The following UPP2 variants were observed in gnomAD, a reference collection of about 807,000 sequenced individuals.
UPP2 encodes UPase 2.
In UPP2, 23 loss-of-function variants were observed where a neutral mutation model predicts 26.7. That is an observed-to-expected ratio of 0.86 (90% CI 0.62 to 1.22). The LOEUF (loss-of-function observed/expected upper bound fraction) is 1.22, where lower values mean the gene tolerates loss of function less well. Among genes scored for constraint, UPP2 ranks in the 50% most tolerant of loss-of-function variants. UPP2 has a pLI of 0.00. For synonymous variants in UPP2, 127 were observed against 141.3 expected (o/e 0.90, Z 0.72); for missense variants, 387 against 396.7 (o/e 0.98, Z 0.21).
chr2:158,101,399 A>C (rs1292183394), upstream of UPP2, among the ~76,000 whole-genome samples: 1 of 152,218 alleles, frequency 6.6e-6, no homozygotes, highest in Non-Finnish European at 1.5e-5. Context: ...CTGGGAAATA[A>C]GTTTTGTTTA....
intron 3 of UPP2, among the ~76,000 whole-genome samples, chr2:158,066,825 C>A (rs75022377): frequency 6.6e-6 from 1 of 152,004 alleles, no homozygotes; most frequent in South Asian, 2.1e-4. Flanking sequence ...CAGGCAGGGA[C>A]TGAGAAAAGA....
At position 158,070,574 on chromosome 2, in the gene UPP2, C is replaced by A. The variant is rs377394816; in HGVS notation, c.148-31466C>A. On this transcript the variant is annotated intron_variant, in intron 3 of 9. Coordinates refer to the UPP2 transcript ENST00000605860. ...CTCTCTGCCATGCTGGCATTTTTCA[C>A]TAAAAATATTAATTAAGCCACTGTT... 3.9e-5 allele frequency among the ~76,000 whole-genome samples: 6 copies of A among 152,334 alleles called. No individual in the cohort carries two copies. The South Asian group carries it at 8.3e-4, about 21-fold the overall frequency.
rs1683413439 is a variant in UPP2, at chr2:158,001,916, GA to G, written c.61+6659del. Reference sequence around the variant, plus strand: ...TGGATCTTAGATCAAGCCATTCCTTGAAGCGGACAGCTTTTCTGGTTGCCTG... The same window carrying G: ...TGGATCTTAGATCAAGCCATTCCTTGAGCGGACAGCTTTTCTGGTTGCCTG... On this transcript the variant is annotated intron_variant, in intron 2 of 9. Transcript: ENST00000605860. Among the ~76,000 whole-genome samples, 3 of 130,878 alleles carry G rather than the reference GA, an allele frequency of 2.3e-5. No homozygotes were observed. The South Asian group carries it at 7.6e-4, about 33-fold the overall frequency. 85.9% of individuals were successfully genotyped at this position (130,878 alleles called of 152,430 possible).
At chr2:158,009,520 A>G (rs1683543961) in intron 2 of UPP2, among the ~76,000 whole-genome samples, 1 of 152,250 alleles carries the variant, frequency 6.6e-6, no homozygotes, top group Admixed American at 6.5e-5. Context: ...GTCTGTGTGC[A>G]GATGAAATAT....
intron 3 of UPP2, among the ~76,000 whole-genome samples, chr2:158,082,936 C>A (rs868059904): frequency 6.6e-6 from 1 of 152,122 alleles, no homozygotes; most frequent in South Asian, 2.1e-4. Flanking sequence ...ATTCATGCAG[C>A]CAACAAACAT....
At chr2:158,027,070 A>C (rs1683844846) in intron 3 of UPP2, among the ~76,000 whole-genome samples, 1 of 152,210 alleles carries the variant, frequency 6.6e-6, no homozygotes. Flanking sequence ...GGGTGGGGAC[A>C]CAGCCAAACC....
chr2:158,108,389 T>C (rs1683238728), intron 2 of UPP2, among the ~76,000 whole-genome samples: 1 of 152,174 alleles, frequency 6.6e-6, no homozygotes, highest in African/African-American at 2.4e-5. Flanking sequence ...GATTAAACCT[T>C]AGGTTTCTCC....
At chr2:158,109,016 G>A (rs998740132) in intron 2 of UPP2, among the ~76,000 whole-genome samples, 4 of 151,808 alleles carry the variant, frequency 2.6e-5, no homozygotes, top group South Asian at 4.2e-4. Context: ...TCAAGGCAGC[G>A]TGTAAAGTCT....
At chr2:158,127,973 A>T (rs1683729484) in intron 6 of UPP2, 12 of 984,564 alleles carry the variant, frequency 1.2e-5, no homozygotes, top group Non-Finnish European at 1.4e-5. Flanking sequence ...AGCAAAATCT[A>T]CTTTAATTAA....
chr2:158,010,739 G>C (rs1203827526), intron 2 of UPP2, among the ~76,000 whole-genome samples: 10 of 151,074 alleles, frequency 6.6e-5, no homozygotes. Flanking sequence ...CCTCCAATGA[G>C]AGCATCATTA....
intron 3 of UPP2, among the ~76,000 whole-genome samples, chr2:158,022,226 G>A (rs1436426978): frequency 6.6e-6 from 1 of 152,070 alleles, no homozygotes; most frequent in Non-Finnish European, 1.5e-5. Context: ...TTGGGAGGCC[G>A]AGGCGGGCGA....
chr2:158,067,641 A>T (rs1349601020), intron 3 of UPP2, among the ~76,000 whole-genome samples: 2 of 98,352 alleles, frequency 2.0e-5, no homozygotes, highest in Non-Finnish European at 3.9e-5. Context: ...CCAGATTCCA[A>T]GTTTTTACCA....
At chr2:158,033,145 C>T (rs1683949363) in intron 3 of UPP2, among the ~76,000 whole-genome samples, 2 of 152,136 alleles carry the variant, frequency 1.3e-5, no homozygotes, top group Non-Finnish European at 1.5e-5. Context: ...TGGCCTGAAG[C>T]ATACTGAAGA....
chr2:158,117,814 C>T lies in UPP2; in HGVS notation c.340-10C>T, dbSNP rs988568844. Reference sequence around the variant, plus strand: ...CAAGATGTATGATGACTTTCTCTTTCTCTCAATAGCACGGCATGGGCATCC... The same window carrying T: ...CAAGATGTATGATGACTTTCTCTTTTTCTCAATAGCACGGCATGGGCATCC... On this transcript the variant is annotated splice_polypyrimidine_tract_variant and intron_variant, in intron 3 of 6. Coordinates refer to ENST00000005756, the MANE Select transcript of UPP2 (RefSeq NM_173355.4). The T allele has an allele frequency of 6.3e-7, 1 of 1,592,292 alleles. No homozygotes were observed. Among genetic ancestry groups the T allele is most frequent in the Non-Finnish European group, 8.6e-7 (1 of 1,160,678 alleles).
intron 3 of UPP2, among the ~76,000 whole-genome samples, chr2:158,089,281 C>T (rs72940864): frequency 0.044 from 6,652 of 152,160 alleles, 193 homozygotes; most frequent in Non-Finnish European, 0.059. Flanking sequence ...TAGTTACAGG[C>T]CTCACCTGGC....
At chr2:158,119,968 C>G (rs1456399625) in intron 4 of UPP2, among the ~76,000 whole-genome samples, 1 of 150,862 alleles carries the variant, frequency 6.6e-6, no homozygotes, top group East Asian at 1.9e-4. Flanking sequence ...CTGAGATCAC[C>G]CCACTACATT....
At chr2:158,118,309 G>A (rs1203064792) in intron 4 of UPP2, among the ~76,000 whole-genome samples, 1 of 151,686 alleles carries the variant, frequency 6.6e-6, no homozygotes, top group Non-Finnish European at 1.5e-5. Flanking sequence ...TCATAAAAAT[G>A]TCCCAGTTTT....
At chr2:158,071,974 C>T (rs572656251) in intron 3 of UPP2, among the ~76,000 whole-genome samples, 1 of 152,260 alleles carries the variant, frequency 6.6e-6, no homozygotes, top group African/African-American at 2.4e-5. Context: ...CTTTGTCTTA[C>T]ACCTTAGGTA....
rs1302184259 is a variant in UPP2, at chr2:158,106,088, T to C, written c.63-11T>C. 6.4e-7 allele frequency: 1 copy of C among 1,560,400 alleles called. No individual in the cohort carries two copies. The highest frequency in any genetic ancestry group is 1.2e-5 in the South Asian group (1 of 82,380). ...TCTTTTATATCTTCTTTGTATAATT[T>C]TTTTTTCCAGAAAAAGGTTTGTTCA... On this transcript the variant is annotated splice_polypyrimidine_tract_variant and intron_variant, in intron 1 of 6. Coordinates refer to ENST00000005756, the MANE Select transcript of UPP2 (RefSeq NM_173355.4).
Sources: allele counts gnomAD v4.1 joint callset (sites outside exome capture counted in the v4.1 genomes callset), GRCh38; gene constraint gnomAD v4.1.1; transcripts MANE v1.5; gene names NCBI Gene and HGNC (gene_info 2026-07-23, HGNC 2026-07-21).